TMPRSS15: variants seen among roughly 807,000 people sequenced by gnomAD.
TMPRSS15 encodes the protein enteropeptidase.
In TMPRSS15, 128 loss-of-function variants were observed where a neutral mutation model predicts 125.3. The observed-to-expected ratio is 1.02, with a 90% CI of 0.89 to 1.18. TMPRSS15 has a LOEUF of 1.18. Ranked by LOEUF, TMPRSS15 falls within the 50% of genes most tolerant of loss-of-function variation. The pLI is 0.00. For missense variants in TMPRSS15, 1,283 were observed against 1,212.7 expected (o/e 1.06, Z -0.86); for synonymous variants, 446 against 423.2 (o/e 1.05, Z -0.66).
chr21:18,423,583 T>C lies in TMPRSS15; in HGVS notation c.11-25254A>G, dbSNP rs374913347. ...GCCACCACACCCGGCTAATTTTTTG[T>C]ATTTTTTTTTTTTTTAGTAGAGACG... On this transcript the variant is annotated intron_variant, in intron 1 of 7. Transcript: ENST00000422787. Among the ~76,000 whole-genome samples the C allele has an allele frequency of 2.6e-4, 39 of 150,600 alleles. 1 individual carries two copies. The East Asian group carries it at 3.9e-3, about 15-fold the overall frequency.
chr21:18,292,106 C>CTTTG (rs1486731358), intron 21 of TMPRSS15, among the ~76,000 whole-genome samples: 1 of 152,202 alleles, frequency 6.6e-6, no homozygotes, highest in African/African-American at 2.4e-5. Flanking sequence ...ACAATATATG[C>CTTTG]TTTCAAGATA....
At chr21:18,372,431 T>TATAAGTAAGAA in intron 5 of TMPRSS15, 107 bp from the exon 6 acceptor site, 1 of 894,504 alleles carries the variant, frequency 1.1e-6, no homozygotes, top group Non-Finnish European at 1.8e-6. Flanking sequence ...AGTATGTTCT[T>TATAAGTAAGAA]CAACTGCCAT....
At chr21:18,357,096 A>C (rs2075632344) in intron 8 of TMPRSS15, among the ~76,000 whole-genome samples, 1 of 151,868 alleles carries the variant, frequency 6.6e-6, no homozygotes, top group South Asian at 2.1e-4. Context: ...CTTTCTTTGA[A>C]GATGCATAAA....
Position 18,359,775 on chromosome 21 carries a change from A to T in TMPRSS15, c.862T>A (p.Ser288Thr). The change falls in exon 8 of 25, where the codon TCA becomes ACA. Residue 288 changes from serine (S) to threonine (T), a missense_variant. Ser to Thr is a moderately conservative substitution (Grantham distance 58, BLOSUM62 1). Transcript: ENST00000284885. ...DILDIYEGVG[S>T]SKILRASIWE... ...AACTTACCTCTTAAAATCTTGCTTG[A>T]TCCTACACCTTCATAAATATCTAAT... 6.9e-7 allele frequency: 1 copy of T among 1,442,014 alleles called. No homozygotes were observed. The highest frequency in any genetic ancestry group is 9.7e-7 in the Non-Finnish European group (1 of 1,026,486). The allele number at this position is 1,442,014 out of a possible 1,614,324, so 89.3% of individuals were successfully genotyped here. A position where few individuals can be genotyped will look rare whatever the true frequency, so the allele number is the denominator to read the frequency against.
intron 24 of TMPRSS15, among the ~76,000 whole-genome samples, chr21:18,272,326 GT>G (rs369331439): frequency 0.022 from 3,313 of 151,068 alleles, 100 homozygotes; most frequent in African/African-American, 0.064. Context: ...GTGATGTTGA[GT>G]TTTTTTTTCA....
chr21:18,317,249 T>C (rs369520115), intron 16 of TMPRSS15, among the ~76,000 whole-genome samples: 31 of 152,102 alleles, frequency 2.0e-4, no homozygotes, highest in Admixed American at 8.5e-4. Flanking sequence ...GACTCACATC[T>C]GAGAGTACTG....
intron 5 of TMPRSS15, among the ~76,000 whole-genome samples, chr21:18,377,102 C>T (rs920828596): frequency 2.6e-5 from 4 of 152,072 alleles, no homozygotes; most frequent in Admixed American, 6.6e-5. Context: ...GAGGAATAAA[C>T]GGCAAGGATG....
Position 18,269,228 on chromosome 21 carries a change from C to G in TMPRSS15, c.*741G>C, listed in dbSNP as rs1019003985. On this transcript the variant is annotated 3_prime_UTR_variant, in exon 25 of 25. Coordinates refer to ENST00000284885, the MANE Select transcript of TMPRSS15 (RefSeq NM_002772.3). Reference sequence around the variant, plus strand: ...CACTGTAACACACATAAACCAAGACCAGGATTTGCAATAGGTGCATTTCTT... The same window carrying G: ...CACTGTAACACACATAAACCAAGACGAGGATTTGCAATAGGTGCATTTCTT... 6.6e-6 allele frequency: 1 copy of G among 152,256 alleles called. No individual in the cohort carries two copies. The highest frequency in any genetic ancestry group is 1.5e-5 in the Non-Finnish European group (1 of 68,044). The allele number at this position is 152,256 out of a possible 1,614,324, so 9.4% of individuals were successfully genotyped here. A position where few individuals can be genotyped will look rare whatever the true frequency, so the allele number is the denominator to read the frequency against.
At chr21:18,331,249 G>C (rs917146396) in intron 14 of TMPRSS15, among the ~76,000 whole-genome samples, 7 of 152,046 alleles carry the variant, frequency 4.6e-5, no homozygotes, top group African/African-American at 1.7e-4. Context: ...TCATCTGAAG[G>C]AGCAAGGTTG....
Position 18,412,280 on chromosome 21 carries a change from A to G in TMPRSS15, c.11-13951T>C, listed in dbSNP as rs528879339. Among the ~76,000 whole-genome samples, 20 of 152,320 alleles carry G rather than the reference A, an allele frequency of 1.3e-4. 1 individual carries two copies. Among genetic ancestry groups the G allele is most frequent in the African/African-American group, 4.8e-4 (20 of 41,576 alleles). On this transcript the variant is annotated intron_variant, in intron 1 of 7. Coordinates refer to the TMPRSS15 transcript ENST00000422787. ...AGATTTTCTCAATGCTCTTTTATCT[A>G]ATTTCCCTGCTATCATCACCAAAGT... is the stretch of plus-strand genomic sequence containing the variant.
chr21:18,355,256 G>A (rs2075613516), intron 8 of TMPRSS15, among the ~76,000 whole-genome samples: 1 of 151,756 alleles, frequency 6.6e-6, no homozygotes, highest in South Asian at 2.1e-4. Flanking sequence ...CCATGGCAAT[G>A]GAATTCTCTT....
intron 1 of TMPRSS15, among the ~76,000 whole-genome samples, chr21:18,418,036 A>G (rs551583547): frequency 2.6e-5 from 4 of 152,354 alleles, no homozygotes; most frequent in South Asian, 2.1e-4. Flanking sequence ...AAGAAAAGCA[A>G]TCACTTGGAT....
At chr21:18,396,272 A>G (rs537904630) in intron 3 of TMPRSS15, among the ~76,000 whole-genome samples, 18 of 152,280 alleles carry the variant, frequency 1.2e-4, no homozygotes, top group African/African-American at 4.3e-4. Context: ...AAGTTGTTAT[A>G]TTCTGTGGGC....
intron 10 of TMPRSS15, among the ~76,000 whole-genome samples, chr21:18,348,626 G>A (rs2824759): frequency 0.35 from 53,949 of 151,978 alleles, 9,926 homozygotes; most frequent in Admixed American, 0.46. Context: ...AGGAAAGATA[G>A]GAAAATAAAA....
intron 1 of TMPRSS15, among the ~76,000 whole-genome samples, chr21:18,424,968 TAC>T (rs1003833538): frequency 8.7e-5 from 13 of 149,292 alleles, no homozygotes; most frequent in African/African-American, 2.2e-4. Flanking sequence ...TATGTATGAA[TAC>T]ATATGATATA....
Position 18,315,248 on chromosome 21 carries a change from T to G in TMPRSS15, c.1930A>C (p.Lys644Gln). ...GYHLGIPEPCKADHFQCKNGE... is the reference protein window; with the variant it reads ...GYHLGIPEPCQADHFQCKNGE... ...TTTTTACATTGAAAATGGTCTGCCT[T>G]GCATGGCTCTATGGGGAAAGAATGT... The change falls in exon 17 of 25, where the codon AAG (lysine) becomes CAG (glutamine). Residue 644 changes from lysine to glutamine, a missense_variant. Lys to Gln is a moderately conservative substitution (Grantham distance 53). Transcript: ENST00000284885. 8 of 1,612,180 alleles carry G rather than the reference T, an allele frequency of 5.0e-6. No homozygotes were observed. Among genetic ancestry groups the G allele is most frequent in the Non-Finnish European group, 6.8e-6 (8 of 1,178,756 alleles).
intron 21 of TMPRSS15, among the ~76,000 whole-genome samples, chr21:18,290,209 G>T (rs1237260969): frequency 1.3e-5 from 2 of 152,138 alleles, no homozygotes; most frequent in African/African-American, 4.8e-5. Flanking sequence ...TGGAGTTGGA[G>T]TCATTGTTTT....
intron 1 of TMPRSS15, among the ~76,000 whole-genome samples, chr21:18,418,100 T>C (rs1361772952): frequency 6.6e-6 from 1 of 152,230 alleles, no homozygotes; most frequent in Non-Finnish European, 1.5e-5. Flanking sequence ...CATTTGTTCT[T>C]TCTGTCATGT....
chr21:18,435,701 G>A (rs958090324), intron 1 of TMPRSS15, among the ~76,000 whole-genome samples: 5 of 152,082 alleles, frequency 3.3e-5, no homozygotes, highest in Admixed American at 6.5e-5. Flanking sequence ...GTTTCAGAAG[G>A]AATGGTACCA....
Sources: gnomAD v4.1 joint callset for allele counts (sites outside exome capture counted in the v4.1 genomes callset) on GRCh38, gnomAD v4.1.1 for gene constraint, MANE v1.5 for transcripts, NCBI Gene and HGNC (gene_info 2026-07-23, HGNC 2026-07-21) for gene names.